Variants in RBFOX1 observed in about 807,000 individuals in gnomAD.
RBFOX1 encodes the protein RNA binding protein fox-1 homolog 1.
A neutral mutation model predicts 57.7 loss-of-function variants in RBFOX1; 8 were observed. The ratio of observed to expected loss-of-function variants is 0.14; its 90% CI spans 0.08 to 0.25. The LOEUF is 0.25. RBFOX1 is among the 10% of genes least tolerant of loss of function. RBFOX1 has a pLI of 1.00. For missense variants in RBFOX1, 611 were observed against 548.5 expected, an observed-to-expected ratio of 1.11 and a Z score of -1.14; for synonymous variants, 326 against 222.4, an observed-to-expected ratio of 1.47 and a Z score of -4.15.
At chr16:6,658,967 G>C (rs1603158580) in intron 3 of RBFOX1, among the ~76,000 whole-genome samples, 1 of 145,596 alleles carries the variant, frequency 6.9e-6, no homozygotes, top group South Asian at 2.2e-4. Context: ...CCTCCTGCAG[G>C]TGAACGTTGT....
intron 1 of RBFOX1, among the ~76,000 whole-genome samples, chr16:5,309,029 G>T (rs560968746): frequency 2.0e-5 from 3 of 152,074 alleles, no homozygotes; most frequent in Admixed American, 2.0e-4. Context: ...ATGTTGTCTT[G>T]GCTAGAGCTT....
chr16:6,780,396 A>T (rs866317672), intron 3 of RBFOX1, among the ~76,000 whole-genome samples: 2 of 87,548 alleles, frequency 2.3e-5, no homozygotes, highest in African/African-American at 1.3e-4. Context: ...TATTATATAT[A>T]TTTTTATATA....
At chr16:6,833,808 G>T (rs1437820018) in intron 3 of RBFOX1, among the ~76,000 whole-genome samples, 1 of 152,158 alleles carries the variant, frequency 6.6e-6, no homozygotes, top group Non-Finnish European at 1.5e-5. Flanking sequence ...AGGTTGATGG[G>T]TAGGTAGGAA....
intron 1 of RBFOX1, among the ~76,000 whole-genome samples, chr16:5,354,637 G>A (rs375453698): frequency 2.6e-5 from 4 of 152,356 alleles, no homozygotes; most frequent in South Asian, 4.1e-4. Flanking sequence ...AGTGCTGTCT[G>A]CCCAGCTCCT....
At chr16:5,882,031 C>T (rs549142700) in intron 4 of RBFOX1, among the ~76,000 whole-genome samples, 149 of 152,302 alleles carry the variant, frequency 9.8e-4, no homozygotes, top group Non-Finnish European at 1.5e-3. Flanking sequence ...TTATTCCCCA[C>T]CACATTCCTA....
intron 1 of RBFOX1, among the ~76,000 whole-genome samples, chr16:6,217,218 A>C (rs1480414788): frequency 6.9e-6 from 1 of 144,142 alleles, no homozygotes; most frequent in East Asian, 2.0e-4. Context: ...ATCTAGAAGC[A>C]AATGTTATTT....
chr16:6,868,433 A>T (rs2060303875), intron 3 of RBFOX1, among the ~76,000 whole-genome samples: 1 of 152,042 alleles, frequency 6.6e-6, no homozygotes, highest in African/African-American at 2.4e-5. Flanking sequence ...TGCCAGGGCG[A>T]GGTAGGAAAG....
At chr16:5,588,165 T>G (rs1462454537) in intron 2 of RBFOX1, among the ~76,000 whole-genome samples, 1 of 151,920 alleles carries the variant, frequency 6.6e-6, no homozygotes, top group African/African-American at 2.4e-5. Flanking sequence ...AATAAATCCA[T>G]AAAGAAGAAA....
At chr16:6,155,179 G>T (rs2152732398) in intron 1 of RBFOX1, among the ~76,000 whole-genome samples, 1 of 152,326 alleles carries the variant, frequency 6.6e-6, no homozygotes, top group South Asian at 2.1e-4. Flanking sequence ...TCCGGAGTGA[G>T]TCCTTCCCAT....
chr16:6,969,628 C>T (rs1374706531), intron 3 of RBFOX1, among the ~76,000 whole-genome samples: 1 of 152,054 alleles, frequency 6.6e-6, no homozygotes, highest in African/African-American at 2.4e-5. Flanking sequence ...CCTGTAGTCT[C>T]AGCTACTCGG....
At chr16:6,649,913 T>G (rs2098567505) in intron 2 of RBFOX1, among the ~76,000 whole-genome samples, 1 of 152,214 alleles carries the variant, frequency 6.6e-6, no homozygotes, top group Admixed American at 6.5e-5. Flanking sequence ...ACTTGTGGAT[T>G]GGTGGGCCTT....
intron 3 of RBFOX1, among the ~76,000 whole-genome samples, chr16:6,977,937 G>GGAAAAAAAA (rs774553742): frequency 3.8e-5 from 3 of 79,474 alleles, no homozygotes; most frequent in South Asian, 4.0e-4. Context: ...CCTCCCCAGG[G>GGAAAAAAAA]AAAAAAAAAA....
At chr16:7,101,296 A>G (rs1018876243) in intron 4 of RBFOX1, among the ~76,000 whole-genome samples, 2 of 152,214 alleles carry the variant, frequency 1.3e-5, no homozygotes, top group Non-Finnish European at 2.9e-5. Flanking sequence ...TTGGATGAAT[A>G]CATGACACAC....
chr16:7,011,502 G>GTTTGT (rs201330849), intron 3 of RBFOX1, among the ~76,000 whole-genome samples: 3 of 151,552 alleles, frequency 2.0e-5, no homozygotes, highest in Non-Finnish European at 4.4e-5. Flanking sequence ...TTTGTTGTGC[G>GTTTGT]TTTGTTTTGT....
chr16:5,525,515 T>TTTTTTA (rs2044208921), intron 2 of RBFOX1, among the ~76,000 whole-genome samples: 1 of 121,106 alleles, frequency 8.3e-6, no homozygotes, highest in Non-Finnish European at 1.7e-5. Flanking sequence ...TTTTTTTTTT[T>TTTTTTA]GAGACAGAGT....
chr16:6,418,530 T>A (rs796787888), intron 2 of RBFOX1, among the ~76,000 whole-genome samples: 35 of 145,762 alleles, frequency 2.4e-4, no homozygotes, highest in South Asian at 8.9e-4. Context: ...TTTTTTTTTT[T>A]TTTTTTTTTT....
At chr16:5,874,020 G>C (rs895988733) in intron 4 of RBFOX1, among the ~76,000 whole-genome samples, 1 of 152,194 alleles carries the variant, frequency 6.6e-6, no homozygotes, top group Non-Finnish European at 1.5e-5. Context: ...AGAAGAACCA[G>C]GGCCCAGCAT....
At chr16:7,691,886 C>T (rs1296199748) in intron 14 of RBFOX1, among the ~76,000 whole-genome samples, 1 of 152,148 alleles carries the variant, frequency 6.6e-6, no homozygotes, top group Non-Finnish European at 1.5e-5. Context: ...GCCATTCTTG[C>T]TTACGGTAGC....
chr16:5,711,882 T>C (rs990334474), intron 3 of RBFOX1, among the ~76,000 whole-genome samples: 1 of 152,174 alleles, frequency 6.6e-6, no homozygotes, highest in Non-Finnish European at 1.5e-5. Context: ...ATTTATTGAG[T>C]GCTTATTTAG....
Sources: gnomAD v4.1 joint callset for allele counts (sites outside exome capture counted in the v4.1 genomes callset) on GRCh38, gnomAD v4.1.1 for gene constraint, MANE v1.5 for transcripts, NCBI Gene and HGNC (gene_info 2026-07-23, HGNC 2026-07-21) for gene names.